TAFA5: variants seen among roughly 807,000 people sequenced by gnomAD.
TAFA5 encodes chemokine-like protein TAFA-5.
Under a neutral mutation model 15.3 loss-of-function variants are expected in TAFA5, and 6 were observed. The ratio of observed to expected loss-of-function variants is 0.39; its 90% confidence interval spans 0.21 to 0.77. The LOEUF is 0.77. Ranked by LOEUF, TAFA5 falls within the 30% of genes least tolerant of loss-of-function variation. The probability of loss-of-function intolerance (pLI) is 0.41; values close to 1 mark genes in which losing one functional copy is unlikely to be tolerated. For missense variants in TAFA5, 161 were observed against 193.1 expected (o/e 0.83, Z 0.98); for synonymous variants, 103 against 80.7 (o/e 1.28, Z -1.48).
intron 1 of TAFA5, among the ~76,000 whole-genome samples, chr22:48,526,493 G>A (rs563337841): frequency 6.6e-6 from 1 of 152,316 alleles, no homozygotes; most frequent in African/African-American, 2.4e-5. Context: ...AGGGAGAGAC[G>A]GGCTGGCTTC....
intron 3 of TAFA5, among the ~76,000 whole-genome samples, chr22:48,723,526 T>G (rs1006629610): frequency 6.6e-6 from 1 of 152,154 alleles, no homozygotes; most frequent in Non-Finnish European, 1.5e-5. Flanking sequence ...TTGGGCATGA[T>G]TGAACCACTG....
At chr22:48,559,952 G>A (rs1923170060) in intron 1 of TAFA5, among the ~76,000 whole-genome samples, 1 of 152,214 alleles carries the variant, frequency 6.6e-6, no homozygotes, top group African/African-American at 2.4e-5. Context: ...CCTGGCACGG[G>A]AGGACCTGAG....
intron 3 of TAFA5, among the ~76,000 whole-genome samples, chr22:48,711,173 G>T (rs542712940): frequency 6.6e-6 from 1 of 152,256 alleles, no homozygotes; most frequent in East Asian, 1.9e-4. Flanking sequence ...GAGGAAGGAC[G>T]GCTGTCCACT....
intron 2 of TAFA5, among the ~76,000 whole-genome samples, chr22:48,684,076 T>C (rs1218066759): frequency 2.0e-5 from 3 of 152,136 alleles, no homozygotes; most frequent in African/African-American, 7.2e-5. Context: ...ACCAGTGCAA[T>C]CAGTTTTATG....
chr22:48,533,423 C>T (rs990509614), intron 1 of TAFA5, among the ~76,000 whole-genome samples: 1 of 152,156 alleles, frequency 6.6e-6, no homozygotes, highest in African/African-American at 2.4e-5. Flanking sequence ...CAGGGCAGGC[C>T]CTGGTGGGGC....
chr22:48,595,477 G>C (rs974189876), intron 1 of TAFA5, among the ~76,000 whole-genome samples: 4 of 152,254 alleles, frequency 2.6e-5, no homozygotes, highest in Non-Finnish European at 4.4e-5. Context: ...CGCAAGTGCT[G>C]CCGGTAGCTA....
At chr22:48,717,782 G>A (rs1246005662) in intron 3 of TAFA5, among the ~76,000 whole-genome samples, 1 of 152,222 alleles carries the variant, frequency 6.6e-6, no homozygotes, top group Admixed American at 6.5e-5. Flanking sequence ...CAGCTTCTGA[G>A]GGGGGTGATG....
chr22:48,738,650 G>A (rs1040160774), intron 3 of TAFA5, among the ~76,000 whole-genome samples: 1 of 152,194 alleles, frequency 6.6e-6, no homozygotes, highest in African/African-American at 2.4e-5. Context: ...AGGCCATGAT[G>A]TGCACACTCC....
intron 2 of TAFA5, among the ~76,000 whole-genome samples, chr22:48,649,037 C>T (rs1926963758): frequency 6.6e-6 from 1 of 152,182 alleles, no homozygotes; most frequent in African/African-American, 2.4e-5. Flanking sequence ...AGGAACAGGC[C>T]AGGCAGTGAG....
intron 1 of TAFA5, among the ~76,000 whole-genome samples, chr22:48,541,938 G>T (rs2147119543): frequency 6.6e-6 from 1 of 152,304 alleles, no homozygotes; most frequent in South Asian, 2.1e-4. Context: ...GTGCTGAGTG[G>T]AAGGAGCTCC....
intron 1 of TAFA5, among the ~76,000 whole-genome samples, chr22:48,523,085 C>T (rs1055794115): frequency 1.2e-4 from 18 of 152,184 alleles, no homozygotes; most frequent in African/African-American, 3.1e-4. Flanking sequence ...TGGATGGGGG[C>T]GGCCAGGGAG....
chr22:48,735,972 G>C, intron 3 of TAFA5, among the ~76,000 whole-genome samples: 1 of 135,250 alleles, frequency 7.4e-6, no homozygotes, highest in African/African-American at 2.7e-5. Context: ...CCCCCCAGGA[G>C]GAATGAGAAT....
chr22:48,533,772 T>G (rs201192232), intron 1 of TAFA5, among the ~76,000 whole-genome samples: 1 of 62,454 alleles, frequency 1.6e-5, no homozygotes, highest in Non-Finnish European at 4.0e-5. Flanking sequence ...TCCCCAAACC[T>G]TTTTTTTTCC....
intron 1 of TAFA5, among the ~76,000 whole-genome samples, chr22:48,582,917 CCA>C (rs901834027): frequency 6.9e-6 from 1 of 145,806 alleles, no homozygotes; most frequent in African/African-American, 2.6e-5. Context: ...ACAAAATACA[CCA>C]CACACGCCAC....
intron 1 of TAFA5, chr22:48,546,513 C>G (rs200679691): frequency 9.8e-5 from 46 of 471,066 alleles, no homozygotes; most frequent in Non-Finnish European, 2.0e-4. Flanking sequence ...TTTTTCTCAC[C>G]TGGCTGGGCA....
At chr22:48,647,701 G>A (rs9617474) in intron 2 of TAFA5, among the ~76,000 whole-genome samples, 89,579 of 151,876 alleles carry the variant, frequency 0.59, 26,869 homozygotes, top group South Asian at 0.7. Context: ...GGCAGACATG[G>A]GGGCTGCCAT....
intron 1 of TAFA5, among the ~76,000 whole-genome samples, chr22:48,491,207 CCCCGAGTTTTCCGCGG>C (rs1259717890): frequency 5.3e-5 from 8 of 152,132 alleles, no homozygotes; most frequent in Non-Finnish European, 8.8e-5. Flanking sequence ...TTGTGCCTGC[CCCCGAGTTTTCCGCGG>C]CCGTCACGGG....
intron 1 of TAFA5, among the ~76,000 whole-genome samples, chr22:48,569,693 G>A (rs1923518721): frequency 6.6e-6 from 1 of 152,220 alleles, no homozygotes; most frequent in Non-Finnish European, 1.5e-5. Flanking sequence ...CTCGTCAAGT[G>A]GTCATGGAAG....
In TAFA5 at chr22:48,750,988, G is replaced by T. The variant is rs529443599; in HGVS notation, c.*1141G>T. ...GAGGTGGTGCCCCGCGGACCCCGGG[G>T]TGCCAGGCACGGAAGGCGGGACTCT... On this transcript the variant is annotated 3_prime_UTR_variant, in exon 4 of 4. Transcript: ENST00000402357. 1 of 152,532 alleles carries T rather than the reference G, an allele frequency of 6.6e-6. No individual in the cohort carries two copies. Among genetic ancestry groups the T allele is most frequent in the Non-Finnish European group, 1.5e-5 (1 of 68,040 alleles). 9.4% of individuals were successfully genotyped at this position (152,532 alleles called of 1,614,324 possible). A position where few individuals can be genotyped will look rare whatever the true frequency, so the allele number is the denominator to read the frequency against.
Sources: gnomAD v4.1 joint callset for allele counts (sites outside exome capture counted in the v4.1 genomes callset) on GRCh38, gnomAD v4.1.1 for gene constraint, MANE v1.5 for transcripts, NCBI Gene and HGNC (gene_info 2026-07-23, HGNC 2026-07-21) for gene names.